Variants in FNBP1L observed in about 807,000 individuals in gnomAD.
FNBP1L encodes formin binding protein 1 like.
In FNBP1L, 36 loss-of-function variants were observed where a neutral mutation model predicts 91.2. That is an observed-to-expected ratio of 0.39 (90% CI 0.30 to 0.52). The LOEUF is 0.52. FNBP1L is among the 20% of genes least tolerant of loss of function. The probability of loss-of-function intolerance (pLI) is 0.66; values close to 1 mark genes in which losing one functional copy is unlikely to be tolerated. For missense variants in FNBP1L, 571 were observed against 732.1 expected (o/e 0.78, Z 2.54); for synonymous variants, 242 against 237.0 (o/e 1.02, Z -0.19).
chr1:93,521,071 ACCAACCAACCAACAAACCAG>A (rs1374079527), intron 2 of FNBP1L, among the ~76,000 whole-genome samples: 3 of 151,864 alleles, frequency 2.0e-5, no homozygotes, highest in African/African-American at 7.3e-5. Flanking sequence ...CAACCAACCA[ACCAACCAACCAACAAACCAG>A]CCAACCAGGA....
intron 14 of FNBP1L, 89 bp downstream of exon 14, chr1:93,547,530 C>A: frequency 1.8e-6 from 2 of 1,098,536 alleles, no homozygotes; most frequent in Non-Finnish European, 2.6e-6. Flanking sequence ...TTTTTTCTTC[C>A]AAATTTAACA....
At chr1:93,493,660 A>T (rs1545839) in intron 1 of FNBP1L, among the ~76,000 whole-genome samples, 13 of 152,156 alleles carry the variant, frequency 8.5e-5, no homozygotes, top group South Asian at 4.1e-4. Flanking sequence ...ATGATGTCTT[A>T]GATATTTATC....
chr1:93,518,349 G>A (rs1387258945), intron 2 of FNBP1L, among the ~76,000 whole-genome samples: 1 of 152,162 alleles, frequency 6.6e-6, no homozygotes, highest in Admixed American at 6.5e-5. Context: ...GCTTCCAGCA[G>A]CCTGTCCTCC....
intron 1 of FNBP1L, among the ~76,000 whole-genome samples, chr1:93,467,864 A>G (rs1341025814): frequency 6.6e-6 from 1 of 152,200 alleles, no homozygotes; most frequent in Non-Finnish European, 1.5e-5. Flanking sequence ...ACTTGAGTTC[A>G]GGAATTTGAG....
rs372631853 is a variant in FNBP1L at position 93,541,214 on chromosome 1, T to C, written c.1164+158T>C. 2.2e-4 allele frequency among the ~76,000 whole-genome samples: 33 copies of C among 152,330 alleles called. No individual in the cohort carries two copies. The East Asian group carries it at 5.4e-3, about 25-fold the overall frequency. The stretch of plus-strand genomic sequence containing the variant: ...CATAGTCCAGCATATGCCAGTACTC[T>C]TGATGTCATAAGATTAGAAAATGTG... On this transcript the variant is annotated intron_variant, in intron 11 of 16. Coordinates refer to ENST00000271234, the MANE Select transcript of FNBP1L (RefSeq NM_001164473.3).
At chr1:93,501,735 A>T (rs1372677691) in intron 2 of FNBP1L, among the ~76,000 whole-genome samples, 2 of 152,206 alleles carry the variant, frequency 1.3e-5, no homozygotes, top group African/African-American at 4.8e-5. Flanking sequence ...TCACTGTATT[A>T]TACAGAGTGA....
At chr1:93,540,194 AC>A (rs1671989256) in intron 10 of FNBP1L, among the ~76,000 whole-genome samples, 1 of 152,066 alleles carries the variant, frequency 6.6e-6, no homozygotes, top group African/African-American at 2.4e-5. Flanking sequence ...ATCTGTACAC[AC>A]ACACATATAT....
At chr1:93,542,443 G>GAAAAAAAAA (rs61650755) in intron 11 of FNBP1L, among the ~76,000 whole-genome samples, 25 of 82,504 alleles carry the variant, frequency 3.0e-4, no homozygotes, top group African/African-American at 1.0e-3. Flanking sequence ...ATTGGTAAAT[G>GAAAAAAAAA]AAAAAAAAAA....
At position 93,513,186 on chromosome 1, in the gene FNBP1L, C is replaced by T. The variant is rs563712249; in HGVS notation, c.141-8896C>T. 1.3e-4 allele frequency among the ~76,000 whole-genome samples: 20 copies of T among 151,966 alleles called. No homozygotes were observed. In the South Asian group the frequency reaches 3.8e-3, roughly 29 times the overall value. ...AAATCTAGAAGAAATGGATAAATTC[C>T]TCGACACATACACTCTCCCAAGACT... On this transcript the variant is annotated intron_variant, in intron 2 of 16. Transcript: ENST00000271234.
chr1:93,546,739 CTTAAGA>C (rs1672253864), intron 12 of FNBP1L, 97 bp from the exon 13 acceptor site: 1 of 1,239,382 alleles, frequency 8.1e-7, no homozygotes, highest in Non-Finnish European at 1.1e-6. Flanking sequence ...TGTGACTCTA[CTTAAGA>C]TTAAGCTGCG....
chr1:93,549,882 C>T (rs902860025), intron 15 of FNBP1L, among the ~76,000 whole-genome samples: 10 of 152,176 alleles, frequency 6.6e-5, no homozygotes, highest in African/African-American at 2.4e-4. Context: ...GTCCGTAGGC[C>T]ACCTGTTTAG....
At chr1:93,451,776 C>T (rs541550187) in intron 1 of FNBP1L, among the ~76,000 whole-genome samples, 87 of 152,164 alleles carry the variant, frequency 5.7e-4, no homozygotes, top group Admixed American at 1.7e-3. Flanking sequence ...CTCAGCCCCC[C>T]GAGTAGCTGG....
Position 93,544,111 on chromosome 1 carries a change from C to T in FNBP1L, c.1169C>T (p.Pro390Leu), listed in dbSNP as rs1672138845. 1.2e-6 allele frequency: 2 copies of T among 1,601,820 alleles called. No homozygotes were observed. The highest frequency in any genetic ancestry group is 1.7e-6 in the Non-Finnish European group (2 of 1,173,394). The change falls in exon 12 of 17, where the codon CCA becomes CTA. Residue 390 changes from proline (P) to leucine (L), a missense_variant. Physicochemically the swap from Pro to Leu is moderately conservative, Grantham distance 98. Around this residue, in one of 5 missense-constraint regions of FNBP1L, gnomAD observed 150 missense variants for 155.9 expected, o/e 0.96. Coordinates refer to ENST00000271234, the MANE Select transcript of FNBP1L (RefSeq NM_001164473.3). ...LKRGWSVKMG[P>L]ALEDFSHLPP... Reference sequence around the variant, plus strand: ...TGATTTAGATTCTCTTTTCAGGGCCCAGCACTAGAAGATTTCAGTCATCTG... The same window carrying T: ...TGATTTAGATTCTCTTTTCAGGGCCTAGCACTAGAAGATTTCAGTCATCTG...
chr1:93,514,003 T>A (rs1341622612), intron 2 of FNBP1L, among the ~76,000 whole-genome samples: 1 of 152,096 alleles, frequency 6.6e-6, no homozygotes, highest in Non-Finnish European at 1.5e-5. Context: ...GACGACATGA[T>A]TGTATATCTA....
intron 1 of FNBP1L, among the ~76,000 whole-genome samples, chr1:93,491,356 A>G (rs911348578): frequency 5.9e-5 from 9 of 151,886 alleles, no homozygotes; most frequent in African/African-American, 2.2e-4. Context: ...GATCACTAAT[A>G]GTGTGACCAC....
At position 93,552,388 on chromosome 1, in the gene FNBP1L, C is replaced by G. The variant is rs770636661; in HGVS notation, c.1811-21C>G. 1.2e-5 allele frequency: 19 copies of G among 1,608,784 alleles called. No individual in the cohort carries two copies. The South Asian group carries it at 2.0e-4, about 17-fold the overall frequency. On this transcript the variant is annotated intron_variant, in intron 16 of 16. Coordinates refer to ENST00000271234, the MANE Select transcript of FNBP1L (RefSeq NM_001164473.3). Reference sequence around the variant, plus strand: ...AAAGGTCTTCAGTAATTGTTCTTTTCTTTTTCCTCCTGGACTGCAGGTTCC... The same window carrying G: ...AAAGGTCTTCAGTAATTGTTCTTTTGTTTTTCCTCCTGGACTGCAGGTTCC...
intron 11 of FNBP1L, 125 bp from the exon 12 acceptor site, chr1:93,543,974 TTTTAAGGG>T: frequency 2.0e-6 from 1 of 502,704 alleles, no homozygotes; most frequent in African/African-American, 2.0e-5. Flanking sequence ...TTTCTTTTTT[TTTTAAGGG>T]GTTGCTTGAG....
intron 1 of FNBP1L, among the ~76,000 whole-genome samples, chr1:93,498,271 TTTTG>T (rs772490809): frequency 1.4e-4 from 22 of 152,180 alleles, no homozygotes; most frequent in Non-Finnish European, 3.2e-4. Flanking sequence ...TTGTTGTTTT[TTTTG>T]TTTGTTTGTT....
intron 1 of FNBP1L, among the ~76,000 whole-genome samples, chr1:93,454,015 A>G (rs1668576313): frequency 1.3e-5 from 2 of 152,286 alleles, no homozygotes; most frequent in African/African-American, 2.4e-5. Context: ...GAAGACTGTC[A>G]TTTGACCTAG....
Sources: allele counts gnomAD v4.1 joint callset (sites outside exome capture counted in the v4.1 genomes callset), GRCh38; gene constraint gnomAD v4.1.1; regional missense constraint gnomAD v4.1.1; transcripts MANE v1.5; gene names NCBI Gene and HGNC (gene_info 2026-07-23, HGNC 2026-07-21).